UPP1: variants seen among roughly 807,000 people sequenced by gnomAD.
UPP1 encodes the protein UPase 1.
Under a neutral mutation model 29.6 loss-of-function variants are expected in UPP1, and 25 were observed. The observed-to-expected ratio is 0.85, with a 90% CI of 0.62 to 1.18. The LOEUF (loss-of-function observed/expected upper bound fraction) is 1.18, where lower values mean the gene tolerates loss of function less well. Among genes scored for constraint, UPP1 ranks in the 50% most tolerant of loss-of-function variants. The pLI, the probability that UPP1 is intolerant of heterozygous loss-of-function variation, is 0.00. For missense variants in UPP1, 368 were observed against 410.4 expected (o/e 0.90, Z 0.89); for synonymous variants, 165 against 159.8 (o/e 1.03, Z -0.25).
intron 4 of UPP1, among the ~76,000 whole-genome samples, chr7:48,101,534 G>A (rs943993713): frequency 9.2e-5 from 14 of 152,132 alleles, no homozygotes; most frequent in African/African-American, 3.4e-4. Flanking sequence ...GGGAGGCCGA[G>A]GGTGCACAGG....
At chr7:48,106,647 T>C in intron 6 of UPP1, 1 of 509,374 alleles carries the variant, frequency 2.0e-6, no homozygotes, top group South Asian at 2.1e-5. Flanking sequence ...TCTTCCATAG[T>C]GTCCATAATG....
intron 2 of UPP1, among the ~76,000 whole-genome samples, chr7:48,090,806 T>C (rs1791786958): frequency 6.6e-6 from 1 of 152,200 alleles, no homozygotes; most frequent in Non-Finnish European, 1.5e-5. Flanking sequence ...ACCCTGACCT[T>C]CTAGTCCTCT....
At chr7:48,097,352 G>C (rs933404685) in intron 3 of UPP1, among the ~76,000 whole-genome samples, 2 of 152,156 alleles carry the variant, frequency 1.3e-5, no homozygotes, top group African/African-American at 4.8e-5. Context: ...TCCCACATCA[G>C]CCTCCCAGGG....
chr7:48,090,098 C>T (rs1427748011), intron 1 of UPP1, 90 bp from the exon 2 acceptor site: 1 of 152,242 alleles, frequency 6.6e-6, no homozygotes, highest in Non-Finnish European at 1.5e-5. Context: ...AGAAACTTCA[C>T]AGGCATATGC....
At chr7:48,095,175 T>G (rs1318826343) in intron 3 of UPP1, among the ~76,000 whole-genome samples, 2 of 152,198 alleles carry the variant, frequency 1.3e-5, no homozygotes, top group Non-Finnish European at 2.9e-5. Context: ...GGTTCTGAAT[T>G]TTAAATGCCT....
chr7:48,098,030 C>T (rs77600832), intron 3 of UPP1, among the ~76,000 whole-genome samples: 3,717 of 152,244 alleles, frequency 0.024, 163 homozygotes, highest in African/African-American at 0.085. Context: ...GTGCTTCAGG[C>T]AGGCTGCTGT....
intron 4 of UPP1, 106 bp downstream of exon 4, chr7:48,099,893 G>GGGGCC (rs1792329498): frequency 2.6e-6 from 2 of 761,356 alleles, no homozygotes; most frequent in South Asian, 3.4e-5. Flanking sequence ...ACAGCTGACA[G>GGGGCC]GTTTATGAAG....
chr7:48,095,234 C>A (rs1183471630), intron 3 of UPP1, among the ~76,000 whole-genome samples: 1 of 152,230 alleles, frequency 6.6e-6, no homozygotes, highest in Non-Finnish European at 1.5e-5. Flanking sequence ...TGGCATGACA[C>A]CACTTGTGTT....
rs1050226174 is a variant in UPP1, at chr7:48,107,470, G to A, written c.756G>A (p.Ser252=). The A allele has an allele frequency of 5.0e-6, 8 of 1,613,894 alleles. No homozygotes were observed. Among genetic ancestry groups the A allele is most frequent in the African/African-American group, 2.7e-5 (2 of 74,936 alleles). ...TCCGCAATATCGAGATGGAGTCCTC[G>A]GTGTTTGCCGCCATGTGCAGCGCCT... The part of the protein sequence containing the change: ...AGVRNIEMES[S]VFAAMCSACG... Residue 252 remains serine (S), a synonymous_variant, in exon 8 of 9, where the codon TCG becomes TCA. Transcript: ENST00000395564.
intron 8 of UPP1, among the ~76,000 whole-genome samples, chr7:48,107,947 C>T (rs1054045035): frequency 5.7e-4 from 86 of 152,122 alleles, no homozygotes; most frequent in African/African-American, 1.9e-3. Context: ...CTGAGCTGGT[C>T]CTGGAATGGT....
Position 48,101,930 on chromosome 7 carries a change from C to A in UPP1, c.269C>A (p.Ala90Glu), listed in dbSNP as rs757264964. ...CPGRDYPNIC[A>E]GTDRYAMYKV... ...GGTAGAGACTATCCCAACATCTGTG[C>A]GGGAACTGACCGCTATGCCATGTAT... The change falls in exon 5 of 9, where the codon GCG (alanine) becomes GAG (glutamate). Residue 90 changes from alanine (A) to glutamate (E), a missense_variant. Ala to Glu is a moderately radical substitution (Grantham distance 107, BLOSUM62 -1). Coordinates refer to ENST00000395564, the MANE Select transcript of UPP1 (RefSeq NM_003364.4). The A allele has an allele frequency of 1.2e-6, 2 of 1,613,862 alleles. No individual in the cohort carries two copies. Among genetic ancestry groups the A allele is most frequent in the Non-Finnish European group, 1.7e-6 (2 of 1,179,994 alleles).
chr7:48,090,910 G>A (rs1214670540), intron 2 of UPP1, among the ~76,000 whole-genome samples: 1 of 152,088 alleles, frequency 6.6e-6, no homozygotes, highest in African/African-American at 2.4e-5. Flanking sequence ...AGCACTGGTG[G>A]GCATTCATGT....
chr7:48,107,039 C>T lies in UPP1; in HGVS notation c.603C>T (p.Thr201=), dbSNP rs966781036. Residue 201 remains threonine (T), a synonymous_variant, in exon 7 of 9, where the codon ACC becomes ACT. Transcript: ENST00000395564. ...GTTCTGCAGAGCTGAGCGAGTTCAC[C>T]ACAGTGGTGGGGAACACCATGTGCA... The part of the protein sequence containing the change: ...LLCSAELSEF[T]TVVGNTMCTL... 6.2e-6 allele frequency: 10 copies of T among 1,612,290 alleles called. No individual in the cohort carries two copies. The highest frequency in any genetic ancestry group is 2.1e-4 in the Middle Eastern group (1 of 4,790).
intron 5 of UPP1, 72 bp from the exon 6 acceptor site, chr7:48,103,225 C>A: frequency 8.8e-7 from 1 of 1,133,170 alleles, no homozygotes; most frequent in Non-Finnish European, 1.3e-6. Flanking sequence ...AATTACATCA[C>A]ATGAAACATC....
rs182260508 is a variant in UPP1, at chr7:48,099,616, C to T, written c.45-54C>T. On this transcript the variant is annotated intron_variant, in intron 3 of 8. Coordinates refer to ENST00000395564, the MANE Select transcript of UPP1 (RefSeq NM_003364.4). ...ACATAGGCCACTTCTGTGATAATGT[C>T]GGCTGTCGGGCACTGATGTTCTATA... 114 of 1,248,260 alleles carry T rather than the reference C, an allele frequency of 9.1e-5. No individual in the cohort carries two copies. The African/African-American group carries it at 1.3e-3, about 15-fold the overall frequency. The allele number at this position is 1,248,260 out of a possible 1,614,324, so 77.3% of individuals were successfully genotyped here. A position where few individuals can be genotyped will look rare whatever the true frequency, so the allele number is the denominator to read the frequency against.
intron 2 of UPP1, among the ~76,000 whole-genome samples, chr7:48,091,722 G>A (rs1301263560): frequency 6.6e-6 from 1 of 152,162 alleles, no homozygotes; most frequent in Non-Finnish European, 1.5e-5. Context: ...AGAGAAGTTA[G>A]TTCTTGGGAC....
At chr7:48,093,766 A>G (rs965958152) in intron 2 of UPP1, among the ~76,000 whole-genome samples, 9 of 152,172 alleles carry the variant, frequency 5.9e-5, no homozygotes, top group African/African-American at 1.9e-4. Context: ...TCTCCCTCCT[A>G]TGGTGGTCCC....
rs1302295304 is a variant in UPP1 at position 48,103,319 on chromosome 7, T to C, written c.344T>C (p.Ile115Thr). Residue 115 changes from isoleucine (I) to threonine (T), a missense_variant, in exon 6 of 9, where the codon ATC (isoleucine) becomes ACC (threonine). By Grantham distance (89) the Ile-to-Thr change is moderately conservative. Coordinates refer to ENST00000395564, the MANE Select transcript of UPP1 (RefSeq NM_003364.4). The stretch of plus-strand genomic sequence containing the variant: ...CAGCATGGTATGGGCATTCCTTCTA[T>C]CTCAATCATGTTGCATGAGCTCATA... Reference protein sequence around the residue: ...SVSHGMGIPSISIMLHELIKL... With the variant: ...SVSHGMGIPSTSIMLHELIKL... 1.2e-6 allele frequency: 2 copies of C among 1,613,978 alleles called. No individual in the cohort carries two copies. Among genetic ancestry groups the C allele is most frequent in the Non-Finnish European group, 1.7e-6 (2 of 1,179,852 alleles).
intron 6 of UPP1, chr7:48,104,614 A>C (rs974862893): frequency 6.6e-6 from 1 of 152,214 alleles, no homozygotes; most frequent in Non-Finnish European, 1.5e-5. Flanking sequence ...TTTAGACCCA[A>C]ATATTTTGAA....
Sources: gnomAD v4.1 joint callset for allele counts (sites outside exome capture counted in the v4.1 genomes callset) on GRCh38, gnomAD v4.1.1 for gene constraint, MANE v1.5 for transcripts, NCBI Gene and HGNC (gene_info 2026-07-23, HGNC 2026-07-21) for gene names.